Variants in SKAP2 observed in about 807,000 individuals in gnomAD.
SKAP2 encodes src kinase-associated phosphoprotein 2.
In SKAP2, 28 loss-of-function variants were observed where a neutral mutation model predicts 54.9. That is an observed-to-expected ratio of 0.51 (90% CI 0.38 to 0.70). The LOEUF (loss-of-function observed/expected upper bound fraction) is 0.70, where lower values mean the gene tolerates loss of function less well. Among genes scored for constraint, SKAP2 ranks in the 30% least tolerant of loss-of-function variants. The pLI is 0.00. For synonymous variants in SKAP2, 137 were observed against 134.3 expected, an observed-to-expected ratio of 1.02 and a Z score of -0.14; for missense variants, 356 against 424.1, an observed-to-expected ratio of 0.84 and a Z score of 1.41.
intron 4 of SKAP2, among the ~76,000 whole-genome samples, chr7:26,828,669 T>A (rs1234960802): frequency 7.2e-6 from 1 of 138,630 alleles, no homozygotes; most frequent in African/African-American, 2.7e-5. Context: ...AGAGTGAGAC[T>A]CTGTCTCAAA....
intron 4 of SKAP2, among the ~76,000 whole-genome samples, chr7:26,832,646 TCTAAAAAAGAAAA>T (rs1784619143): frequency 6.6e-6 from 1 of 151,726 alleles, no homozygotes; most frequent in Non-Finnish European, 1.5e-5. Flanking sequence ...AGACCCCATC[TCTAAAAAAGAAAA>T]AAAGAAGAAA....
At chr7:26,654,844 AT>A in the SKAP2 span, among the ~76,000 whole-genome samples, 1 of 152,232 alleles carries the variant, frequency 6.6e-6, no homozygotes, top group South Asian at 2.1e-4. Context: ...GACACTACCA[AT>A]AATTATCTTG....
chr7:26,775,221 CCTT>C (rs754539153), intron 4 of SKAP2, among the ~76,000 whole-genome samples: 32 of 152,138 alleles, frequency 2.1e-4, no homozygotes, highest in Non-Finnish European at 3.4e-4. Flanking sequence ...CTCAATCTCT[CCTT>C]CTCCAGTGCT....
chr7:26,815,926 G>T (rs958674472), intron 4 of SKAP2, among the ~76,000 whole-genome samples: 2 of 151,928 alleles, frequency 1.3e-5, no homozygotes, highest in African/African-American at 4.8e-5. Context: ...AAACACTAAA[G>T]CATTTTAGTA....
intron 4 of SKAP2, among the ~76,000 whole-genome samples, chr7:26,793,322 T>C (rs991606139): frequency 6.6e-6 from 1 of 152,222 alleles, no homozygotes; most frequent in Non-Finnish European, 1.5e-5. Flanking sequence ...CTTAACCCTA[T>C]GCTCTAGAAT....
At chr7:26,758,289 A>G (rs879092825) in intron 4 of SKAP2, among the ~76,000 whole-genome samples, 2 of 152,264 alleles carry the variant, frequency 1.3e-5, no homozygotes, top group Admixed American at 1.3e-4. Flanking sequence ...AATTTTTAAA[A>G]CTGTAAAACA....
chr7:26,728,458 T>C (rs1180857517), intron 6 of SKAP2, among the ~76,000 whole-genome samples: 1 of 152,134 alleles, frequency 6.6e-6, no homozygotes, highest in Non-Finnish European at 1.5e-5. Flanking sequence ...GAATATTTTA[T>C]GGTACTCCCA....
intron 4 of SKAP2, among the ~76,000 whole-genome samples, chr7:26,765,466 A>G (rs1783032033): frequency 6.6e-6 from 1 of 152,142 alleles, no homozygotes; most frequent in Non-Finnish European, 1.5e-5. Context: ...GAAGGTCTTC[A>G]GTTTAATTAG....
At chr7:26,684,141 T>G (rs895230535) in intron 11 of SKAP2, among the ~76,000 whole-genome samples, 7 of 152,140 alleles carry the variant, frequency 4.6e-5, no homozygotes, top group African/African-American at 1.7e-4. Flanking sequence ...CAAGAATTTA[T>G]GTATATACAC....
At chr7:26,721,253 G>T (rs186643560) in intron 9 of SKAP2, among the ~76,000 whole-genome samples, 70 of 152,138 alleles carry the variant, frequency 4.6e-4, no homozygotes, top group African/African-American at 1.7e-3. Context: ...TAATTATTCA[G>T]GAGGAAAATA....
At chr7:26,806,755 A>T (rs1016319384) in intron 4 of SKAP2, among the ~76,000 whole-genome samples, 1 of 152,100 alleles carries the variant, frequency 6.6e-6, no homozygotes, top group Non-Finnish European at 1.5e-5. Flanking sequence ...CAGTTACAAC[A>T]CTCCCTTAAG....
intron 4 of SKAP2, among the ~76,000 whole-genome samples, chr7:26,800,118 T>C (rs879720512): frequency 6.6e-6 from 1 of 151,968 alleles, no homozygotes; most frequent in Non-Finnish European, 1.5e-5. Context: ...AGCGAAACTC[T>C]GTCTCAAAAA....
At chr7:26,712,960 T>G (rs1032068926) in intron 9 of SKAP2, among the ~76,000 whole-genome samples, 1 of 152,238 alleles carries the variant, frequency 6.6e-6, no homozygotes, top group African/African-American at 2.4e-5. Context: ...TAATTATACA[T>G]GTCAGCCTCA....
intron 10 of SKAP2, among the ~76,000 whole-genome samples, chr7:26,689,326 C>T (rs896879087): frequency 1.3e-5 from 2 of 152,164 alleles, no homozygotes; most frequent in African/African-American, 4.8e-5. Context: ...GTGTAAAGTC[C>T]TGATAAGAAG....
intron 9 of SKAP2, among the ~76,000 whole-genome samples, chr7:26,718,811 T>G (rs1408878419): frequency 6.6e-6 from 1 of 152,060 alleles, no homozygotes; most frequent in African/African-American, 2.4e-5. Flanking sequence ...GCCCCACTTT[T>G]TTATTTTATG....
intron 4 of SKAP2, among the ~76,000 whole-genome samples, chr7:26,827,064 C>G (rs1435038648): frequency 6.6e-6 from 1 of 151,866 alleles, no homozygotes; most frequent in Non-Finnish European, 1.5e-5. Context: ...ATTTCTTTTC[C>G]CCGTGGTAAG....
At chr7:26,765,690 TA>T (rs1230341654) in intron 4 of SKAP2, among the ~76,000 whole-genome samples, 33 of 152,206 alleles carry the variant, frequency 2.2e-4, no homozygotes, top group African/African-American at 8.0e-4. Flanking sequence ...TGCATATGAC[TA>T]GGCAGTTTTC....
At chr7:26,765,124 C>T (rs1036472833) in intron 4 of SKAP2, among the ~76,000 whole-genome samples, 20 of 150,102 alleles carry the variant, frequency 1.3e-4, no homozygotes, top group Non-Finnish European at 3.0e-5. Context: ...TATTTCTCCA[C>T]ATCCTCTCCA....
intron 12 of SKAP2, 71 bp downstream of exon 12, chr7:26,670,020 C>G (rs1786193527): frequency 1.5e-6 from 1 of 651,432 alleles, no homozygotes; most frequent in Non-Finnish European, 2.8e-6. Context: ...TTTAAAAAGG[C>G]AAAGACTCAT....
Sources: gnomAD v4.1 joint callset for allele counts (sites outside exome capture counted in the v4.1 genomes callset) on GRCh38, gnomAD v4.1.1 for gene constraint, MANE v1.5 for transcripts, NCBI Gene and HGNC (gene_info 2026-07-23, HGNC 2026-07-21) for gene names.